NRP2: variants seen among roughly 807,000 people sequenced by gnomAD.
The protein encoded by NRP2 is neuropilin-2.
In NRP2, 52 loss-of-function variants were observed where a neutral mutation model predicts 110.4. The observed-to-expected ratio is 0.47, with a 90% confidence interval of 0.38 to 0.59. The LOEUF (loss-of-function observed/expected upper bound fraction) is 0.59. Among genes scored for constraint, NRP2 ranks in the 20% least tolerant of loss-of-function variants. The pLI is 0.00. For synonymous variants in NRP2, 508 were observed against 468.9 expected, an observed-to-expected ratio of 1.08 and a Z score of -1.08; for missense variants, 1,049 against 1,203.0, an observed-to-expected ratio of 0.87 and a Z score of 1.89.
At chr2:205,705,112 C>T (rs1229237399) in intron 2 of NRP2, among the ~76,000 whole-genome samples, 3 of 150,850 alleles carry the variant, frequency 2.0e-5, no homozygotes, top group Admixed American at 2.0e-4. Context: ...GGATTTAAGC[C>T]TTTGGATTAA....
chr2:205,726,097 A>G lies in NRP2; in HGVS notation c.990+15A>G. The G allele has an allele frequency of 1.2e-6, 2 of 1,614,038 alleles. No homozygotes were observed. The highest frequency in any genetic ancestry group is 2.2e-5 in the South Asian group (2 of 91,064). ...AGTATCTCCAGGTACTTGTGCAGATACCAGAGGATGTGAGAGTGTGTATGT... is the reference window on the plus strand; with the variant it reads ...AGTATCTCCAGGTACTTGTGCAGATGCCAGAGGATGTGAGAGTGTGTATGT... On this transcript the variant is annotated intron_variant, in intron 6 of 16. Transcript: ENST00000357785.
chr2:205,706,879 T>TC (rs1374118326), intron 2 of NRP2, among the ~76,000 whole-genome samples: 1 of 152,152 alleles, frequency 6.6e-6, no homozygotes, highest in Non-Finnish European at 1.5e-5. Context: ...TGCCAGGGCC[T>TC]CCACTGGTCG....
chr2:205,693,691 C>G (rs2056361850), intron 1 of NRP2, among the ~76,000 whole-genome samples: 1 of 152,176 alleles, frequency 6.6e-6, no homozygotes, highest in African/African-American at 2.4e-5. Flanking sequence ...CGATCCCTCC[C>G]TTTCCTGGTA....
intron 12 of NRP2, among the ~76,000 whole-genome samples, chr2:205,757,902 T>C (rs925511130): frequency 1.3e-5 from 2 of 151,952 alleles, no homozygotes; most frequent in African/African-American, 4.8e-5. Context: ...TTACCCTTTT[T>C]TTTTTTTTCC....
intron 1 of NRP2, among the ~76,000 whole-genome samples, chr2:205,694,569 C>T (rs899936095): frequency 2.0e-5 from 3 of 152,224 alleles, no homozygotes; most frequent in Non-Finnish European, 4.4e-5. Context: ...TCAATTTCCC[C>T]TCTGTACATG....
chr2:205,752,814 G>T (rs2057670496), intron 11 of NRP2, 21 bp from the exon 12 acceptor site: 1 of 1,613,868 alleles, frequency 6.2e-7, no homozygotes, highest in South Asian at 1.1e-5. Context: ...CTTCCTTTGG[G>T]TTATTGTTTT....
Position 205,722,542 on chromosome 2 carries a change from TGAG to T in NRP2, c.499_501del (p.Glu167del). 1 of 1,614,046 alleles carries T rather than the reference TGAG, an allele frequency of 6.2e-7. No homozygotes were observed. The highest frequency in any genetic ancestry group is 8.5e-7 in the Non-Finnish European group (1 of 1,179,878). Reference sequence around the variant, plus strand: ...GGACCATCGAATCTCCTGGGTTTCCTGAGAAGTATCCACACAACTTGGACTGCA... The same window carrying T: ...GGACCATCGAATCTCCTGGGTTTCCTAAGTATCCACACAACTTGGACTGCA... On this transcript the variant is annotated inframe_deletion, in exon 4 of 17. Transcript: ENST00000357785.
At chr2:205,746,159 A>G (rs1170150224) in intron 10 of NRP2, among the ~76,000 whole-genome samples, 1 of 151,874 alleles carries the variant, frequency 6.6e-6, no homozygotes, top group African/African-American at 2.4e-5. Flanking sequence ...ACCACACACC[A>G]CCCACCCAAA....
intron 7 of NRP2, 82 bp downstream of exon 7, chr2:205,728,128 A>G (rs965445263): frequency 2.0e-6 from 3 of 1,521,348 alleles, no homozygotes; most frequent in African/African-American, 2.7e-5. Context: ...CCGACCTCCT[A>G]CAGGAGAGAG....
intron 15 of NRP2, among the ~76,000 whole-genome samples, chr2:205,786,682 T>C (rs2058239421): frequency 6.6e-6 from 1 of 152,220 alleles, no homozygotes; most frequent in South Asian, 2.1e-4. Context: ...GTAGGTTAAG[T>C]GGATGTGCTA....
At position 205,786,294 on chromosome 2, in the gene NRP2, A is replaced by G. The variant is rs759269488; in HGVS notation, c.2426-5941A>G. Reference sequence around the variant, plus strand: ...GTTATTTATCTTTTACTGAGGTCTCAGTGTTGTATTTCCTGCTGGGATTAA... The same window carrying G: ...GTTATTTATCTTTTACTGAGGTCTCGGTGTTGTATTTCCTGCTGGGATTAA... On this transcript the variant is annotated intron_variant, in intron 15 of 16. Transcript: ENST00000357785. Among the ~76,000 whole-genome samples the G allele has an allele frequency of 4.1e-4, 63 of 152,190 alleles. 1 individual carries two copies. The highest frequency in any genetic ancestry group is 1.0e-4 in the Non-Finnish European group (7 of 68,026).
chr2:205,739,265 G>A (rs144310131), intron 7 of NRP2, among the ~76,000 whole-genome samples: 1 of 152,322 alleles, frequency 6.6e-6, no homozygotes, highest in East Asian at 1.9e-4. Flanking sequence ...AACTTGGCAA[G>A]GATGTTGGAT....
chr2:205,724,412 T>C (rs1475533856), intron 5 of NRP2, among the ~76,000 whole-genome samples: 1 of 152,122 alleles, frequency 6.6e-6, no homozygotes, highest in Non-Finnish European at 1.5e-5. Context: ...TGGGCCTGGG[T>C]AATGTTTTCC....
At chr2:205,684,287 G>C (rs1043339977) in intron 1 of NRP2, among the ~76,000 whole-genome samples, 4 of 152,148 alleles carry the variant, frequency 2.6e-5, no homozygotes, top group Admixed American at 6.5e-5. Context: ...CCACTCTCTA[G>C]AGTGAGCCTC....
chr2:205,697,770 G>T (rs562144161), intron 2 of NRP2, 49 bp downstream of exon 2: 1 of 1,543,096 alleles, frequency 6.5e-7, no homozygotes. Context: ...AGATGCACAC[G>T]CCCTGCCCCC....
chr2:205,794,944 C>T lies in NRP2; in HGVS notation c.2667C>T (p.Tyr889=). The change falls in exon 17 of 17, where the codon TAC becomes TAT. Residue 889 remains tyrosine, a synonymous_variant. Transcript: ENST00000357785. ...AGLLLYCTCS[Y]SGLSSRSCTT... Reference sequence around the variant, plus strand: ...TCCTGCTCTACTGCACCTGTTCCTACTCGGGCCTGAGCTCCCGAAGCTGCA... The same window carrying T: ...TCCTGCTCTACTGCACCTGTTCCTATTCGGGCCTGAGCTCCCGAAGCTGCA... The T allele has an allele frequency of 6.2e-7, 1 of 1,614,190 alleles. No homozygotes were observed. The highest frequency in any genetic ancestry group is 8.5e-7 in the Non-Finnish European group (1 of 1,180,040).
At chr2:205,749,637 T>G (rs1188612497) in intron 10 of NRP2, 88 bp from the exon 11 acceptor site, 2 of 1,050,964 alleles carry the variant, frequency 1.9e-6, no homozygotes, top group East Asian at 2.4e-5. Context: ...CTTCTTTCCC[T>G]TCTCTAGAGA....
At chr2:205,723,069 G>A (rs1489978504) in intron 4 of NRP2, among the ~76,000 whole-genome samples, 2 of 152,148 alleles carry the variant, frequency 1.3e-5, no homozygotes, top group African/African-American at 4.8e-5. Flanking sequence ...CTTAACTCCC[G>A]GCTCTGCTAC....
intron 12 of NRP2, chr2:205,759,471 T>G (rs912003389): frequency 5.9e-5 from 9 of 152,354 alleles, no homozygotes; most frequent in Admixed American, 4.6e-4. Flanking sequence ...TTGGATGCTT[T>G]TGGCACGGTT....
Sources: gnomAD v4.1 joint callset for allele counts (sites outside exome capture counted in the v4.1 genomes callset) on GRCh38, gnomAD v4.1.1 for gene constraint, MANE v1.5 for transcripts, NCBI Gene and HGNC (gene_info 2026-07-23, HGNC 2026-07-21) for gene names.